Variants in TVP23C observed in about 807,000 individuals in gnomAD.
TVP23C encodes Golgi apparatus membrane protein TVP23 homolog C.
TVP23C carries 19 observed loss-of-function variants against 28.7 expected under a neutral mutation model. The observed-to-expected ratio is 0.66, with a 90% confidence interval of 0.46 to 0.97. The LOEUF (loss-of-function observed/expected upper bound fraction) is 0.97, where lower values mean the gene tolerates loss of function less well. TVP23C is among the 50% of genes least tolerant of loss of function. The probability of loss-of-function intolerance (pLI) is 0.00; values close to 1 mark genes in which losing one functional copy is unlikely to be tolerated. For missense variants in TVP23C, 186 were observed against 241.3 expected (o/e 0.77, Z 1.52); for synonymous variants, 68 against 81.7 (o/e 0.83, Z 0.90).
At chr17:15,502,860 G>A (rs1567627415) in exon 6 of TVP23C, 1 of 1,571,522 alleles carries the variant, frequency 6.4e-7, no homozygotes, top group Non-Finnish European at 8.6e-7. Flanking sequence ...TTTGTGGGTT[G>A]TTTTTAATGC....
At chr17:15,544,566 A>T (rs1207620084) in intron 5 of TVP23C, among the ~76,000 whole-genome samples, 2 of 151,858 alleles carry the variant, frequency 1.3e-5, no homozygotes, top group Admixed American at 1.3e-4. Context: ...GAAAACCACT[A>T]GAAGGACTAA....
At chr17:15,503,461 G>C in intron 5 of TVP23C, 1 of 440,264 alleles carries the variant, frequency 2.3e-6, no homozygotes. Context: ...TCAGTGCTTA[G>C]ACATGAACAG....
intron 1 of TVP23C, chr17:15,562,655 C>G (rs919192303): frequency 6.6e-6 from 1 of 152,246 alleles, no homozygotes; most frequent in African/African-American, 2.4e-5. Flanking sequence ...GTCCTATCCT[C>G]GGACACTTGT....
At chr17:15,505,717 C>T (rs1435659671) in intron 5 of TVP23C, among the ~76,000 whole-genome samples, 1 of 152,180 alleles carries the variant, frequency 6.6e-6, no homozygotes, top group East Asian at 1.9e-4. Context: ...GAGCGGGAAC[C>T]GGGGCTGCCT....
intron 5 of TVP23C, among the ~76,000 whole-genome samples, chr17:15,541,418 G>A (rs1394112392): frequency 1.3e-5 from 2 of 152,030 alleles, no homozygotes; most frequent in African/African-American, 2.4e-5. Context: ...TATATAAGTG[G>A]GCAAGGCTGT....
At position 15,537,460 on chromosome 17, in the gene TVP23C, A is replaced by G; in HGVS notation, c.*2952T>C. The G allele has an allele frequency of 1.0e-6, 1 of 985,120 alleles. No homozygotes were observed. The highest frequency in any genetic ancestry group is 1.2e-6 in the Non-Finnish European group (1 of 829,644). 61.0% of individuals were successfully genotyped at this position (985,120 alleles called of 1,614,324 possible). On this transcript the variant is annotated 3_prime_UTR_variant, in exon 6 of 6. Coordinates refer to ENST00000518321, the MANE Select transcript of TVP23C (RefSeq NM_001135036.2). ...CTGTAAAATAAATAGAATAGCAGCA[A>G]TCTCTGGGTATTCCTTAAACTATGA...
intron 3 of TVP23C, among the ~76,000 whole-genome samples, chr17:15,549,533 G>A (rs762350812): frequency 3.3e-5 from 5 of 151,996 alleles, no homozygotes; most frequent in South Asian, 2.1e-4. Context: ...ACAAAAATTC[G>A]CTAGGGATGG....
At chr17:15,526,741 G>T (rs1313106298) in intron 5 of TVP23C, among the ~76,000 whole-genome samples, 2 of 152,150 alleles carry the variant, frequency 1.3e-5, no homozygotes, top group Non-Finnish European at 2.9e-5. Flanking sequence ...CAAGCTACAA[G>T]CAAGAGAGAA....
At chr17:15,556,451 TC>T (rs1447766408) in intron 1 of TVP23C, among the ~76,000 whole-genome samples, 5 of 150,022 alleles carry the variant, frequency 3.3e-5, no homozygotes, top group African/African-American at 1.2e-4. Context: ...AACCTCTGCC[TC>T]CTGGGTTCAA....
At chr17:15,506,616 C>T (rs1981757975) in intron 5 of TVP23C, among the ~76,000 whole-genome samples, 1 of 152,230 alleles carries the variant, frequency 6.6e-6, no homozygotes, top group Non-Finnish European at 1.5e-5. Context: ...GTAAATCTTG[C>T]TACTGCTCAC....
chr17:15,534,870 A>C (rs2091092608), downstream of TVP23C, among the ~76,000 whole-genome samples: 1 of 151,938 alleles, frequency 6.6e-6, no homozygotes, highest in Admixed American at 6.6e-5. Context: ...TGGGAGACTG[A>C]GGCAGGAGAA....
At chr17:15,514,643 T>C (rs1387577632) in intron 5 of TVP23C, among the ~76,000 whole-genome samples, 1 of 152,192 alleles carries the variant, frequency 6.6e-6, no homozygotes, top group Non-Finnish European at 1.5e-5. Flanking sequence ...AGGCAATTTA[T>C]GGCAAAACTG....
chr17:15,543,397 A>C (rs989248304), intron 5 of TVP23C, among the ~76,000 whole-genome samples: 2 of 151,366 alleles, frequency 1.3e-5, no homozygotes, highest in Non-Finnish European at 2.9e-5. Flanking sequence ...TATAGCGAAA[A>C]AAGAAAAAAG....
chr17:15,537,477 A>G lies in TVP23C; in HGVS notation c.*2935T>C, dbSNP rs1283519838. On this transcript the variant is annotated 3_prime_UTR_variant, in exon 6 of 6. Coordinates refer to ENST00000518321, the MANE Select transcript of TVP23C (RefSeq NM_001135036.2). ...TAGCAGCAATCTCTGGGTATTCCTT[A>G]AACTATGATGATTCCACTTATATTA... 81 of 985,028 alleles carry G rather than the reference A, an allele frequency of 8.2e-5. No individual in the cohort carries two copies. The highest frequency in any genetic ancestry group is 9.4e-5 in the Non-Finnish European group (78 of 829,676). The allele number at this position is 985,028 out of a possible 1,614,324, so 61.0% of individuals were successfully genotyped here.
intron 1 of TVP23C, among the ~76,000 whole-genome samples, chr17:15,561,530 C>T (rs1025674070): frequency 4.7e-5 from 7 of 148,990 alleles, no homozygotes; most frequent in African/African-American, 1.7e-4. Context: ...AGCCGGGAGA[C>T]GGAGGTTGCA....
In TVP23C at chr17:15,538,959, C is replaced by G. The variant is rs946678074; in HGVS notation, c.*1453G>C. 27 of 985,704 alleles carry G rather than the reference C, an allele frequency of 2.7e-5. No homozygotes were observed. In the African/African-American group the frequency reaches 4.4e-4, roughly 16 times the overall value. 61.1% of individuals were successfully genotyped at this position (985,704 alleles called of 1,614,324 possible). A position where few individuals can be genotyped will look rare whatever the true frequency, so the allele number is the denominator to read the frequency against. ...TTCATCTTCTGTGAGAGAAACTGTA[C>G]AGTAGAATAAAAAGAACAATAAATT... On this transcript the variant is annotated 3_prime_UTR_variant, in exon 6 of 6. Transcript: ENST00000518321.
At chr17:15,542,675 C>T (rs1195448185) in intron 5 of TVP23C, among the ~76,000 whole-genome samples, 4 of 152,020 alleles carry the variant, frequency 2.6e-5, no homozygotes, top group Non-Finnish European at 5.9e-5. Flanking sequence ...CAGGGTTTCA[C>T]CGTGTTAGCC....
At chr17:15,522,096 A>C (rs1567633959) in intron 5 of TVP23C, among the ~76,000 whole-genome samples, 1 of 152,258 alleles carries the variant, frequency 6.6e-6, no homozygotes, top group East Asian at 1.9e-4. Context: ...TGGCACAGGC[A>C]GGAAGGAAAG....
At position 15,539,888 on chromosome 17, in the gene TVP23C, T is replaced by C. The variant is rs1983335462; in HGVS notation, c.*524A>G. The C allele has an allele frequency of 2.8e-5, 21 of 746,660 alleles. No individual in the cohort carries two copies. The highest frequency in any genetic ancestry group is 3.4e-5 in the Non-Finnish European group (21 of 612,594). The allele number at this position is 746,660 out of a possible 1,614,324, so 46.3% of individuals were successfully genotyped here. ...GTGGGCAGATCACAAGGTCATGAGATGGAGACCATCCTGGCTAACATGATG... is the reference window on the plus strand; with the variant it reads ...GTGGGCAGATCACAAGGTCATGAGACGGAGACCATCCTGGCTAACATGATG... On this transcript the variant is annotated 3_prime_UTR_variant, in exon 6 of 6. Transcript: ENST00000518321.
Sources: gnomAD v4.1 joint callset for allele counts (sites outside exome capture counted in the v4.1 genomes callset) on GRCh38, gnomAD v4.1.1 for gene constraint, MANE v1.5 for transcripts, NCBI Gene and HGNC (gene_info 2026-07-23, HGNC 2026-07-21) for gene names.